PCDHGB3: variants seen among roughly 807,000 people sequenced by gnomAD.
The protein encoded by PCDHGB3 is protocadherin gamma subfamily B, 3.
In PCDHGB3, 40 loss-of-function variants were observed where a neutral mutation model predicts 59.2. The observed-to-expected ratio is 0.68, with a 90% confidence interval of 0.52 to 0.88. PCDHGB3 has a LOEUF of 0.88. Ranked by LOEUF, PCDHGB3 falls within the 40% of genes least tolerant of loss-of-function variation. The pLI is 0.00. For missense variants in PCDHGB3, 1,309 were observed against 1,187.9 expected (o/e 1.10, Z -1.50); for synonymous variants, 581 against 503.6 (o/e 1.15, Z -2.06).
chr5:141,383,378 CAG>C (rs1561596110), intron 1 of PCDHGB3: 1 of 1,614,002 alleles, frequency 6.2e-7, no homozygotes, highest in Non-Finnish European at 8.5e-7. Flanking sequence ...GCTGGGGATC[CAG>C]ATGTGGGCAC....
chr5:141,441,359 G>T (rs932747576), intron 1 of PCDHGB3: 1 of 152,522 alleles, frequency 6.6e-6, no homozygotes, highest in Non-Finnish European at 1.5e-5. Flanking sequence ...TGTAACAAAT[G>T]GGGCCGTGGA....
At position 141,432,627 on chromosome 5, in the gene PCDHGB3, C is replaced by A. The variant is rs886117102; in HGVS notation, c.2415+59818C>A. 1 of 1,613,652 alleles carries A rather than the reference C, an allele frequency of 6.2e-7. No homozygotes were observed. The highest frequency in any genetic ancestry group is 8.5e-7 in the Non-Finnish European group (1 of 1,179,952). On this transcript the variant is annotated intron_variant, in intron 1 of 3. Transcript: ENST00000576222. This position sits in a 1 kb window ranked among gnomAD's most constrained non-coding sequence, Gnocchi z 6.0. ...GGACTCTTCTCGGTGGGTCTGCACA[C>A]GGGCGAGGTGCGCACGGCGCGAGCC...
Position 141,418,592 on chromosome 5 carries a change from G to A in PCDHGB3, c.2415+45783G>A, listed in dbSNP as rs772314584. Reference sequence around the variant, plus strand: ...TGACAACCCCCCAGTGTTCAGCCAGGACGTGTACAGGGTTAGCCTTCGGGA... The same window carrying A: ...TGACAACCCCCCAGTGTTCAGCCAGAACGTGTACAGGGTTAGCCTTCGGGA... On this transcript the variant is annotated intron_variant, in intron 1 of 3. Transcript: ENST00000576222. 18 of 1,614,020 alleles carry A rather than the reference G, an allele frequency of 1.1e-5. No homozygotes were observed. The highest frequency in any genetic ancestry group is 1.5e-5 in the Non-Finnish European group (18 of 1,179,902).
chr5:141,407,345 T>C (rs1025383467), intron 1 of PCDHGB3, among the ~76,000 whole-genome samples: 2 of 152,188 alleles, frequency 1.3e-5, no homozygotes, highest in African/African-American at 4.8e-5. Flanking sequence ...TGTATGTTAA[T>C]TTGGGGAAAA....
chr5:141,475,202 G>T (rs746895166), intron 1 of PCDHGB3, among the ~76,000 whole-genome samples: 38 of 152,086 alleles, frequency 2.5e-4, no homozygotes, highest in Non-Finnish European at 5.3e-4. Context: ...CAAGATCTTG[G>T]GAAAAGGATT....
chr5:141,413,012 A>G (rs937468289), intron 1 of PCDHGB3: 10 of 657,718 alleles, frequency 1.5e-5, no homozygotes, highest in Middle Eastern at 4.2e-4. Flanking sequence ...GGCTTCAACT[A>G]CACAAGCCCC....
chr5:141,420,465 A>G, intron 1 of PCDHGB3: 1 of 807,604 alleles, frequency 1.2e-6, no homozygotes. Context: ...ATTCAAAGAC[A>G]TTTTAAAGCA....
intron 1 of PCDHGB3, among the ~76,000 whole-genome samples, chr5:141,449,673 G>A (rs7725811): frequency 0.049 from 7,346 of 150,528 alleles, 281 homozygotes; most frequent in African/African-American, 0.1. Flanking sequence ...AAGTGTGTAT[G>A]TATATATGTT....
At chr5:141,467,273 G>T (rs879618653) in intron 1 of PCDHGB3, among the ~76,000 whole-genome samples, 1 of 151,828 alleles carries the variant, frequency 6.6e-6, no homozygotes, top group Admixed American at 6.6e-5. Context: ...GGCTGGTCTC[G>T]AACTCTTGAC....
rs770596172 is a variant in PCDHGB3, at chr5:141,487,664, G to A, written c.2416-7143G>A. ...AATGCTTGAGGGTTATTCTGATCCA[G>A]GCATATGGCTAGGCCATGTCCTAGA... On this transcript the variant is annotated intron_variant, in intron 1 of 3. Transcript: ENST00000576222. The surrounding 1 kb of genome is among the most constrained non-coding windows in gnomAD (Gnocchi z 5.0). 1.9e-5 allele frequency: 31 copies of A among 1,613,048 alleles called. No individual in the cohort carries two copies. The South Asian group carries it at 3.4e-4, about 18-fold the overall frequency.
In PCDHGB3 at chr5:141,394,617, G is replaced by A. The variant is rs369651266; in HGVS notation, c.2415+21808G>A. The A allele has an allele frequency of 1.7e-5, 28 of 1,613,372 alleles. No individual in the cohort carries two copies. The Admixed American group carries it at 2.8e-4, about 16-fold the overall frequency. On this transcript the variant is annotated intron_variant, in intron 1 of 3. Coordinates refer to ENST00000576222, the MANE Select transcript of PCDHGB3 (RefSeq NM_018924.5). ...GGTGGACAGAGACTCGGGCCAGAAC[G>A]CCTGGCTGTCCTACCGCCTGCTCAA... is the stretch of plus-strand genomic sequence containing the variant.
chr5:141,405,433 T>A, intron 1 of PCDHGB3: 1 of 1,471,752 alleles, frequency 6.8e-7, no homozygotes, highest in Non-Finnish European at 9.3e-7. Flanking sequence ...TTTTGTTTTG[T>A]TTTTGAGACA....
chr5:141,426,865 T>G (rs2096965950), intron 1 of PCDHGB3: 1 of 456,600 alleles, frequency 2.2e-6, no homozygotes, highest in African/African-American at 2.0e-5. Flanking sequence ...GAATTAGTGC[T>G]GGAGAAGCCC....
Position 141,476,231 on chromosome 5 carries a change from G to A in PCDHGB3, c.2416-18576G>A. The A allele has an allele frequency of 6.2e-7, 1 of 1,614,084 alleles. No individual in the cohort carries two copies. Among genetic ancestry groups the A allele is most frequent in the Non-Finnish European group, 8.5e-7 (1 of 1,180,034 alleles). On this transcript the variant is annotated intron_variant, in intron 1 of 3. Coordinates refer to ENST00000576222, the MANE Select transcript of PCDHGB3 (RefSeq NM_018924.5). The surrounding 1 kb of genome is among the most constrained non-coding windows in gnomAD (Gnocchi z 7.6). ...CACGGTCATTCACTATGAGATCCCG[G>A]AGGAAAGAGAGAAGGGTTTCGCTGT...
rs775122106 is a variant in PCDHGB3 at position 141,410,519 on chromosome 5, C to CT, written c.2415+37711dup. On this transcript the variant is annotated intron_variant, in intron 1 of 3. Coordinates refer to ENST00000576222, the MANE Select transcript of PCDHGB3 (RefSeq NM_018924.5). ...TAATTTCCTAAAATGCAGTGTGCCCCTACATTCCAATGAAGACATGGTTTG... is the reference window on the plus strand; with the variant it reads ...TAATTTCCTAAAATGCAGTGTGCCCCTTACATTCCAATGAAGACATGGTTTG... 5.9e-5 allele frequency: 95 copies of CT among 1,613,978 alleles called. 1 individual carries two copies. In the South Asian group the frequency reaches 1.0e-3, roughly 17 times the overall value.
rs565524310 is a variant in PCDHGB3, at chr5:141,375,830, G to A, written c.2415+3021G>A. The stretch of plus-strand genomic sequence containing the variant: ...CGTGGAGCTGGCGCCCCGCTCCGCA[G>A]AGCCCGGCTACCTGGTGACCAAGGT... On this transcript the variant is annotated intron_variant, in intron 1 of 3. Transcript: ENST00000576222. 6.8e-6 allele frequency: 11 copies of A among 1,614,152 alleles called. No homozygotes were observed. In the East Asian group the frequency reaches 2.2e-4, roughly 33 times the overall value.
chr5:141,406,186 C>T (rs1263856724), intron 1 of PCDHGB3, among the ~76,000 whole-genome samples: 2 of 151,978 alleles, frequency 1.3e-5, no homozygotes, highest in South Asian at 2.1e-4. Context: ...AATCCTCCCA[C>T]CTCAGCCTTC....
intron 1 of PCDHGB3, among the ~76,000 whole-genome samples, chr5:141,406,933 T>C (rs1034700573): frequency 6.6e-6 from 1 of 152,218 alleles, no homozygotes; most frequent in African/African-American, 2.4e-5. Flanking sequence ...ATGTATTATT[T>C]AATGTTATTT....
intron 1 of PCDHGB3, among the ~76,000 whole-genome samples, chr5:141,458,101 G>C (rs530847477): frequency 3.3e-5 from 5 of 152,200 alleles, no homozygotes; most frequent in Non-Finnish European, 7.4e-5. Flanking sequence ...AGTACTTACA[G>C]ATAGTCTCCA....
Sources: allele counts gnomAD v4.1 joint callset (sites outside exome capture counted in the v4.1 genomes callset), GRCh38; gene constraint gnomAD v4.1.1; non-coding constraint Gnocchi (gnomAD v3.1); transcripts MANE v1.5; gene names NCBI Gene and HGNC (gene_info 2026-07-23, HGNC 2026-07-21).